The following SRCIN1 variants were observed in gnomAD, a reference collection of about 807,000 sequenced individuals.
SRCIN1 encodes SRC kinase signaling inhibitor 1, also known as P130Cas-associated protein.
Under a neutral mutation model 116.2 loss-of-function variants are expected in SRCIN1, and 50 were observed. The ratio of observed to expected loss-of-function variants is 0.43; its 90% CI spans 0.34 to 0.54. The LOEUF (loss-of-function observed/expected upper bound fraction) is 0.54, where lower values mean the gene tolerates loss of function less well. Ranked by LOEUF, SRCIN1 falls within the 20% of genes least tolerant of loss-of-function variation. The pLI is 0.02. For synonymous variants in SRCIN1, 736 were observed against 750.0 expected, an observed-to-expected ratio of 0.98 and a Z score of 0.30; for missense variants, 1,446 against 1,672.0, an observed-to-expected ratio of 0.86 and a Z score of 2.36.
intron 18 of SRCIN1, 35 bp downstream of exon 18, chr17:38,543,788 T>C (rs1289642872): frequency 6.3e-7 from 1 of 1,594,628 alleles, no homozygotes; most frequent in Non-Finnish European, 8.5e-7. Context: ...TGCAGCAGAG[T>C]GGGCCTGGGT....
chr17:38,551,492 C>G, intron 14 of SRCIN1, 103 bp from the exon 15 acceptor site: 1 of 1,017,452 alleles, frequency 9.8e-7, no homozygotes, highest in East Asian at 2.6e-5. Flanking sequence ...GAATAGAAAA[C>G]GAAGCCTCAT....
At chr17:38,560,210 C>A in intron 8 of SRCIN1, 113 bp from the exon 9 acceptor site, 1 of 1,396,358 alleles carries the variant, frequency 7.2e-7, no homozygotes, top group Non-Finnish European at 9.7e-7. Flanking sequence ...GGATGGAGTC[C>A]CAGAGAAGGG....
chr17:38,558,459 G>A lies in SRCIN1; in HGVS notation c.2026-57C>T. The A allele has an allele frequency of 6.5e-7, 1 of 1,527,486 alleles. No individual in the cohort carries two copies. Among genetic ancestry groups the A allele is most frequent in the Non-Finnish European group, 8.7e-7 (1 of 1,144,328 alleles). The allele number at this position is 1,527,486 out of a possible 1,614,324, so 94.6% of individuals were successfully genotyped here. A position where few individuals can be genotyped will look rare whatever the true frequency, so the allele number is the denominator to read the frequency against. On this transcript the variant is annotated intron_variant, in intron 10 of 18. Coordinates refer to ENST00000617146, the MANE Select transcript of SRCIN1 (RefSeq NM_025248.3). This position sits in a 1 kb window ranked among gnomAD's most constrained non-coding sequence, Gnocchi z 4.6. The stretch of plus-strand genomic sequence containing the variant: ...GGGGGGAGCGGAGCCGCGAGGCAGG[G>A]GAAGGGCCGGGAGAAGGCGGGTAGA...
In SRCIN1 at chr17:38,578,550, C is replaced by G. The variant is rs753689500; in HGVS notation, c.264G>C (p.Lys88Asn). The G allele has an allele frequency of 4.4e-6, 7 of 1,607,118 alleles. No homozygotes were observed. In the Admixed American group the frequency reaches 1.2e-4, roughly 27 times the overall value. ...RKRDAFMDHL[K>N]SKYPQHALAL... is the part of the protein sequence containing the mutation. ...CCAGGGCGTGCTGTGGGTACTTGCTCTTCAGGTGGTCCATGAAGGCATCAC... is the reference window on the plus strand; with the variant it reads ...CCAGGGCGTGCTGTGGGTACTTGCTGTTCAGGTGGTCCATGAAGGCATCAC... Residue 88 changes from lysine (K) to asparagine (N), a missense_variant, in exon 2 of 19, where the codon AAG becomes AAC. Coordinates refer to ENST00000617146, the MANE Select transcript of SRCIN1 (RefSeq NM_025248.3).
At position 38,558,098 on chromosome 17, in the gene SRCIN1, T is replaced by C; in HGVS notation, c.2201+129A>G. On this transcript the variant is annotated intron_variant, in intron 11 of 18. Coordinates refer to ENST00000617146, the MANE Select transcript of SRCIN1 (RefSeq NM_025248.3). The surrounding 1 kb of genome is among the most constrained non-coding windows in gnomAD (Gnocchi z 4.6). The stretch of plus-strand genomic sequence containing the variant: ...GAAATCAGGCCAGAGGAGAATGAAA[T>C]CAGGCTTCAGAACAGACCAACGCCA... The C allele has an allele frequency of 9.8e-7, 1 of 1,019,908 alleles. No homozygotes were observed. The allele number at this position is 1,019,908 out of a possible 1,614,324, so 63.2% of individuals were successfully genotyped here.
chr17:38,543,893 G>T lies in SRCIN1; in HGVS notation c.3347C>A (p.Ala1116Glu). The part of the protein sequence containing the change: ...ASRLKAAQGQ[A>E]GSPDKSKHGK... ...ATGTTTGCTTTTGTCGGGGCTGCCC[G>T]CCTGGCCCTGGGCCGCCTTCAGCCG... The change falls in exon 18 of 19, where the codon GCG (alanine) becomes GAG (glutamate). Residue 1116 changes from alanine (A) to glutamate (E), a missense_variant. Ala to Glu is a moderately radical substitution (Grantham distance 107). This residue lies in a region of SRCIN1 where 531 missense variants were observed against 633.9 expected (regional missense o/e 0.84). Coordinates refer to ENST00000617146, the MANE Select transcript of SRCIN1 (RefSeq NM_025248.3). 2 of 1,606,622 alleles carry T rather than the reference G, an allele frequency of 1.2e-6. No homozygotes were observed. The highest frequency in any genetic ancestry group is 8.5e-7 in the Non-Finnish European group (1 of 1,179,628).
rs980583088 is a variant in SRCIN1, at chr17:38,585,758, C to T, written c.23-6967G>A. Among the ~76,000 whole-genome samples, 18 of 152,192 alleles carry T rather than the reference C, an allele frequency of 1.2e-4. No homozygotes were observed. The highest frequency in any genetic ancestry group is 2.2e-4 in the Non-Finnish European group (15 of 68,032). On this transcript the variant is annotated intron_variant, in intron 1 of 18. Transcript: ENST00000617146. This position sits in a 1 kb window ranked among gnomAD's most constrained non-coding sequence, Gnocchi z 4.2. ...TCTGTAAACATTCCTGTGTAATATC[C>T]CCCCAAATTGCTAATACCCAGCGCC...
chr17:38,581,832 T>C (rs1181397157), intron 1 of SRCIN1, among the ~76,000 whole-genome samples: 1 of 151,758 alleles, frequency 6.6e-6, no homozygotes, highest in East Asian at 1.9e-4. Flanking sequence ...AGGCTGGGGG[T>C]TCCCTGGGCG....
chr17:38,575,464 G>T (rs191655790), intron 2 of SRCIN1, among the ~76,000 whole-genome samples: 3 of 152,228 alleles, frequency 2.0e-5, no homozygotes, highest in Non-Finnish European at 2.9e-5. Context: ...GCTTAGGCTG[G>T]TCTCAAACTC....
chr17:38,603,145 T>C (rs1054201237), intron 1 of SRCIN1, among the ~76,000 whole-genome samples: 3 of 151,940 alleles, frequency 2.0e-5, no homozygotes, highest in Non-Finnish European at 4.4e-5. Context: ...AAACCCTTTT[T>C]CCAGGGTGGG....
intron 1 of SRCIN1, among the ~76,000 whole-genome samples, chr17:38,579,657 G>A (rs1265856350): frequency 6.6e-6 from 1 of 152,182 alleles, no homozygotes; most frequent in Non-Finnish European, 1.5e-5. Context: ...AGACGTACAG[G>A]GGACAAAGGA....
At position 38,552,237 on chromosome 17, in the gene SRCIN1, C is replaced by T; in HGVS notation, c.2481-105G>A. On this transcript the variant is annotated intron_variant, in intron 13 of 18. Transcript: ENST00000617146. This position sits in a 1 kb window ranked among gnomAD's most constrained non-coding sequence, Gnocchi z 5.3. ...GGGGTGGGAGGCAGGCTCTGGGATG[C>T]TGTGGGAGGGCCTGGGGAGGAGTGA... is the stretch of plus-strand genomic sequence containing the variant. 6.0e-6 allele frequency: 9 copies of T among 1,506,106 alleles called. No homozygotes were observed. Among genetic ancestry groups the T allele is most frequent in the South Asian group, 1.3e-5 (1 of 76,732 alleles). The allele number at this position is 1,506,106 out of a possible 1,614,324, so 93.3% of individuals were successfully genotyped here.
chr17:38,547,934 G>C (rs1341353531), intron 17 of SRCIN1: 2 of 190,264 alleles, frequency 1.1e-5, no homozygotes, highest in Non-Finnish European at 2.2e-5. Context: ...TAGGGAGGAT[G>C]GGGGTGCTGG....
rs1905962174 is a variant in SRCIN1, at chr17:38,558,437, G to T, written c.2026-35C>A. 4.5e-6 allele frequency: 7 copies of T among 1,556,032 alleles called. No homozygotes were observed. Among genetic ancestry groups the T allele is most frequent in the South Asian group, 1.1e-5 (1 of 87,042 alleles). ...GCACGGACGGATGGACCCGGGTGGG[G>T]GGAGCGGAGCCGCGAGGCAGGGGAA... is the stretch of plus-strand genomic sequence containing the variant. On this transcript the variant is annotated intron_variant, in intron 10 of 18. Coordinates refer to ENST00000617146, the MANE Select transcript of SRCIN1 (RefSeq NM_025248.3). This position sits in a 1 kb window ranked among gnomAD's most constrained non-coding sequence, Gnocchi z 4.6.
At position 38,543,663 on chromosome 17, in the gene SRCIN1, C is replaced by T. The variant is rs557491565; in HGVS notation, c.3417+160G>A. 1.6e-3 allele frequency among the ~76,000 whole-genome samples: 233 copies of T among 146,898 alleles called. 1 individual carries two copies. Among genetic ancestry groups the T allele is most frequent in the Non-Finnish European group, 2.6e-3 (176 of 66,878 alleles). On this transcript the variant is annotated intron_variant, in intron 18 of 18. Transcript: ENST00000617146. ...GGGATCGGGAGGAGGAGGGAGAAGA[C>T]GGTTCAGGGGGTGGGTGGGGCAGTC...
chr17:38,579,037 T>G (rs1233676065), intron 1 of SRCIN1, among the ~76,000 whole-genome samples: 1 of 152,130 alleles, frequency 6.6e-6, no homozygotes, highest in African/African-American at 2.4e-5. Context: ...TACTCCCTGT[T>G]CCTCCGTGGG....
intron 1 of SRCIN1, among the ~76,000 whole-genome samples, chr17:38,600,639 T>A (rs1908965801): frequency 6.6e-6 from 1 of 152,154 alleles, no homozygotes; most frequent in Admixed American, 6.5e-5. Flanking sequence ...CTGGCTAAGC[T>A]CCCGGCAGAG....
rs1331602841 is a variant in SRCIN1, at chr17:38,563,738, G to A, written c.542-217C>T. ...CTCTCAAGGCACCCACTGGACTCCA[G>A]GCAGTTGAAGGAACTTGGACAAGGA... On this transcript the variant is annotated intron_variant, in intron 4 of 18. Transcript: ENST00000617146. The surrounding 1 kb of genome is among the most constrained non-coding windows in gnomAD (Gnocchi z 5.8). 6 of 709,250 alleles carry A rather than the reference G, an allele frequency of 8.5e-6. No individual in the cohort carries two copies. Among genetic ancestry groups the A allele is most frequent in the Admixed American group, 2.3e-5 (1 of 42,772 alleles). The allele number at this position is 709,250 out of a possible 1,614,324, so 43.9% of individuals were successfully genotyped here.
intron 1 of SRCIN1, among the ~76,000 whole-genome samples, chr17:38,591,420 C>G (rs922515678): frequency 6.6e-6 from 1 of 152,202 alleles, no homozygotes; most frequent in African/African-American, 2.4e-5. Flanking sequence ...CCATCTGCAC[C>G]ACCCTTTGTT....
Sources: gnomAD v4.1 joint callset for allele counts (sites outside exome capture counted in the v4.1 genomes callset) on GRCh38, gnomAD v4.1.1 for gene constraint, gnomAD v4.1.1 regional missense constraint, Gnocchi (gnomAD v3.1) non-coding constraint, MANE v1.5 for transcripts, NCBI Gene and HGNC (gene_info 2026-07-23, HGNC 2026-07-21) for gene names.